The following ZNF407 variants were observed in gnomAD, a reference collection of about 807,000 sequenced individuals.
ZNF407 encodes zinc finger protein 407.
ZNF407 carries 17 observed loss-of-function variants against 131.2 expected under a neutral mutation model. The ratio of observed to expected loss-of-function variants is 0.13; its 90% confidence interval spans 0.09 to 0.19. The LOEUF is 0.19. Ranked by LOEUF, ZNF407 falls within the 10% of genes least tolerant of loss-of-function variation. The pLI is 1.00. For synonymous variants in ZNF407, 1,156 were observed against 1,062.0 expected (o/e 1.09, Z -1.72); for missense variants, 2,681 against 2,830.6 (o/e 0.95, Z 1.20).
chr18:74,772,494 A>G (rs1352032731), intron 3 of ZNF407, among the ~76,000 whole-genome samples: 2 of 152,214 alleles, frequency 1.3e-5, no homozygotes, highest in Non-Finnish European at 1.5e-5. Context: ...CTAAGCTATC[A>G]TGAGCAGCTT....
At chr18:74,673,685 T>G (rs1287806588) in intron 3 of ZNF407, among the ~76,000 whole-genome samples, 1 of 152,184 alleles carries the variant, frequency 6.6e-6, no homozygotes, top group Non-Finnish European at 1.5e-5. Flanking sequence ...AGCTTGTCAG[T>G]AGGTATTTAT....
chr18:74,865,418 T>C (rs958565388), intron 4 of ZNF407, among the ~76,000 whole-genome samples: 1 of 152,252 alleles, frequency 6.6e-6, no homozygotes, highest in Non-Finnish European at 1.5e-5. Context: ...AACCTCATTT[T>C]GATAGCTTCA....
At chr18:74,670,633 A>G (rs1986104726) in intron 3 of ZNF407, among the ~76,000 whole-genome samples, 1 of 152,196 alleles carries the variant, frequency 6.6e-6, no homozygotes. Flanking sequence ...GTTTTTAAAT[A>G]TATTTAATTA....
At chr18:74,805,949 G>A (rs1412881338) in intron 4 of ZNF407, among the ~76,000 whole-genome samples, 1 of 152,156 alleles carries the variant, frequency 6.6e-6, no homozygotes, top group East Asian at 1.9e-4. Flanking sequence ...GCTTATGGAT[G>A]TATATTCTAC....
At chr18:74,943,602 C>T (rs1972123970) in intron 8 of ZNF407, among the ~76,000 whole-genome samples, 1 of 152,160 alleles carries the variant, frequency 6.6e-6, no homozygotes. Context: ...ATTAGTTGAT[C>T]AATACGTTAG....
intron 8 of ZNF407, among the ~76,000 whole-genome samples, chr18:75,000,741 T>C (rs1232660479): frequency 6.6e-6 from 1 of 152,230 alleles, no homozygotes. Flanking sequence ...GTATTCACTA[T>C]TAAGTTGTAA....
rs1242600843 is a variant in ZNF407, at chr18:74,631,324, C to T, written c.305C>T (p.Thr102Ile). Residue 102 changes from threonine (T) to isoleucine (I), a missense_variant, in exon 2 of 9, where the codon ACA becomes ATA. Thr to Ile is a moderately conservative substitution (Grantham distance 89). Transcript: ENST00000299687. Reference sequence around the variant, plus strand: ...TTAGAAACTTCTGAGAGCTCAGTCACAGAAGGGGGTATTGCATTAGATGAA... The same window carrying T: ...TTAGAAACTTCTGAGAGCTCAGTCATAGAAGGGGGTATTGCATTAGATGAA... ...CRLETSESSVTEGGIALDETG... is the reference protein window; with the variant it reads ...CRLETSESSVIEGGIALDETG... 6.2e-7 allele frequency: 1 copy of T among 1,613,894 alleles called. No homozygotes were observed. The highest frequency in any genetic ancestry group is 1.3e-5 in the African/African-American group (1 of 74,918).
At chr18:74,771,100 TTTCACA>T (rs1435755501) in intron 3 of ZNF407, among the ~76,000 whole-genome samples, 1 of 152,146 alleles carries the variant, frequency 6.6e-6, no homozygotes, top group Non-Finnish European at 1.5e-5. Context: ...CAAGGGTACA[TTTCACA>T]TGTGAAAATG....
chr18:74,608,450 G>A (rs531315788), intron 1 of ZNF407, among the ~76,000 whole-genome samples: 58 of 151,794 alleles, frequency 3.8e-4, no homozygotes, highest in East Asian at 1.5e-3. Context: ...TGGTTCAAGC[G>A]ATTCTTCTGC....
At chr18:74,783,702 C>T (rs372964402) in intron 4 of ZNF407, among the ~76,000 whole-genome samples, 15 of 152,256 alleles carry the variant, frequency 9.9e-5, no homozygotes, top group African/African-American at 3.4e-4. Context: ...GTAAGCCCTT[C>T]TCAGATATTG....
intron 3 of ZNF407, among the ~76,000 whole-genome samples, chr18:74,779,403 C>T (rs192219069): frequency 5.0e-4 from 76 of 151,884 alleles, no homozygotes; most frequent in African/African-American, 1.8e-3. Context: ...CGTGAGCCAC[C>T]GCGCCCGGTC....
chr18:74,697,071 G>A (rs578153356), intron 3 of ZNF407, among the ~76,000 whole-genome samples: 6 of 152,168 alleles, frequency 3.9e-5, no homozygotes, highest in Non-Finnish European at 8.8e-5. Context: ...GCTTTGTCCT[G>A]AGAGGCAGCT....
intron 8 of ZNF407, among the ~76,000 whole-genome samples, chr18:74,936,601 A>G (rs1044224266): frequency 6.6e-6 from 1 of 152,178 alleles, no homozygotes; most frequent in African/African-American, 2.4e-5. Context: ...ACTCAGGTGT[A>G]TGGCTAGTTC....
chr18:75,037,547 A>AT (rs1438138002), intron 8 of ZNF407, among the ~76,000 whole-genome samples: 2 of 152,052 alleles, frequency 1.3e-5, no homozygotes, highest in African/African-American at 4.8e-5. Flanking sequence ...GAAAATAAAG[A>AT]TATCTGCAGC....
chr18:75,041,622 G>GCACACA (rs57989015), intron 8 of ZNF407, among the ~76,000 whole-genome samples: 246 of 144,972 alleles, frequency 1.7e-3, no homozygotes, highest in African/African-American at 6.2e-3. Context: ...GCATGCACGT[G>GCACACA]CACACACACA....
chr18:74,991,177 GA>G (rs1972714288), intron 8 of ZNF407, among the ~76,000 whole-genome samples: 1 of 152,170 alleles, frequency 6.6e-6, no homozygotes, highest in South Asian at 2.1e-4. Context: ...TATAACTTAT[GA>G]AACTAAAAAG....
intron 3 of ZNF407, among the ~76,000 whole-genome samples, chr18:74,643,966 A>G (rs1310973120): frequency 2.0e-5 from 3 of 151,932 alleles, no homozygotes; most frequent in Non-Finnish European, 4.4e-5. Flanking sequence ...AGTTAGTTTG[A>G]CAGAAGAAGC....
chr18:74,737,650 A>G (rs890578344), intron 3 of ZNF407, among the ~76,000 whole-genome samples: 3 of 151,760 alleles, frequency 2.0e-5, no homozygotes, highest in Admixed American at 1.3e-4. Context: ...TTAGGTATGT[A>G]TTTTCAGCAG....
At chr18:74,973,900 G>A (rs1180220107) in intron 8 of ZNF407, among the ~76,000 whole-genome samples, 1 of 152,132 alleles carries the variant, frequency 6.6e-6, no homozygotes, top group Non-Finnish European at 1.5e-5. Context: ...TTGAATTAGG[G>A]AGCTGCAGTA....
Sources: gnomAD v4.1 joint callset for allele counts (sites outside exome capture counted in the v4.1 genomes callset) on GRCh38, gnomAD v4.1.1 for gene constraint, MANE v1.5 for transcripts, NCBI Gene and HGNC (gene_info 2026-07-23, HGNC 2026-07-21) for gene names.